The following KCNIP4 variants were observed in gnomAD, a reference collection of about 807,000 sequenced individuals.
The protein encoded by KCNIP4 is potassium voltage-gated channel interacting protein 4.
Under a neutral mutation model 34.0 loss-of-function variants are expected in KCNIP4, and 12 were observed. The observed-to-expected ratio is 0.35, with a 90% confidence interval of 0.23 to 0.57. KCNIP4 has a LOEUF of 0.57. Among genes scored for constraint, KCNIP4 ranks in the 20% least tolerant of loss-of-function variants. The pLI is 0.83. For missense variants in KCNIP4, 238 were observed against 311.7 expected, an observed-to-expected ratio of 0.76 and a Z score of 1.78; for synonymous variants, 124 against 102.2, an observed-to-expected ratio of 1.21 and a Z score of -1.29.
intron 1 of KCNIP4, among the ~76,000 whole-genome samples, chr4:20,942,491 C>T (rs1353122030): frequency 6.6e-6 from 1 of 152,192 alleles, no homozygotes; most frequent in South Asian, 2.1e-4. Context: ...ATAATAAGCA[C>T]CAGGTGGTTT....
In KCNIP4 at chr4:20,828,463, G is replaced by C. The variant is rs139943967; in HGVS notation, c.288+22080C>G. Reference sequence around the variant, plus strand: ...AAACAAAAGCTACGGGAAGTAAAATGTTGTCAGTTTAATTCTATGAGAAGG... The same window carrying C: ...AAACAAAAGCTACGGGAAGTAAAATCTTGTCAGTTTAATTCTATGAGAAGG... On this transcript the variant is annotated intron_variant, in intron 3 of 8. Transcript: ENST00000382152. 4.3e-3 allele frequency among the ~76,000 whole-genome samples: 655 copies of C among 152,186 alleles called. 5 individuals carry two copies. Among genetic ancestry groups the C allele is most frequent in the Middle Eastern group, 0.014 (4 of 294 alleles).
intron 1 of KCNIP4, among the ~76,000 whole-genome samples, chr4:21,551,812 A>C (rs372400773): frequency 2.0e-5 from 3 of 152,108 alleles, no homozygotes; most frequent in Non-Finnish European, 4.4e-5. Flanking sequence ...AATGCATATT[A>C]GAATAGAGGT....
chr4:21,576,360 C>T (rs1740741293), intron 1 of KCNIP4, among the ~76,000 whole-genome samples: 2 of 152,116 alleles, frequency 1.3e-5, no homozygotes, highest in Non-Finnish European at 2.9e-5. Context: ...ATAACATAAA[C>T]CAAGGTCACG....
chr4:21,060,805 A>C (rs1743849650), intron 1 of KCNIP4, among the ~76,000 whole-genome samples: 1 of 152,190 alleles, frequency 6.6e-6, no homozygotes, highest in Non-Finnish European at 1.5e-5. Flanking sequence ...AAAACTTCTC[A>C]CGAATCAGAA....
intron 1 of KCNIP4, among the ~76,000 whole-genome samples, chr4:21,112,070 TATC>T (rs1329117882): frequency 6.7e-5 from 9 of 134,152 alleles, no homozygotes; most frequent in Non-Finnish European, 1.0e-4. Flanking sequence ...TCTATCTATC[TATC>T]ATCTATATCA....
intron 1 of KCNIP4, among the ~76,000 whole-genome samples, chr4:21,356,487 T>C (rs1469231403): frequency 1.3e-5 from 2 of 152,116 alleles, no homozygotes; most frequent in Admixed American, 6.6e-5. Flanking sequence ...ACAAAATCAG[T>C]GCGCAAAAAT....
intron 1 of KCNIP4, among the ~76,000 whole-genome samples, chr4:21,937,859 C>T (rs1729950638): frequency 6.6e-6 from 1 of 152,096 alleles, no homozygotes; most frequent in Non-Finnish European, 1.5e-5. Context: ...TCTCTGCCTG[C>T]TGTTTTACTC....
intron 1 of KCNIP4, among the ~76,000 whole-genome samples, chr4:21,148,513 G>C (rs909396352): frequency 3.3e-5 from 5 of 152,062 alleles, no homozygotes; most frequent in African/African-American, 1.2e-4. Flanking sequence ...ACACCGTTCT[G>C]ACATATAATA....
At chr4:20,739,173 C>A (rs940044126) in intron 5 of KCNIP4, among the ~76,000 whole-genome samples, 1 of 152,218 alleles carries the variant, frequency 6.6e-6, no homozygotes, top group African/African-American at 2.4e-5. Context: ...CATAGCTGAA[C>A]AAAAGGCAGC....
chr4:21,063,992 C>T (rs972868449), intron 1 of KCNIP4, among the ~76,000 whole-genome samples: 2 of 152,096 alleles, frequency 1.3e-5, no homozygotes, highest in Non-Finnish European at 2.9e-5. Context: ...ATACTAACAT[C>T]TCAATGGTTG....
At chr4:20,915,247 C>G (rs1046724591) in intron 1 of KCNIP4, among the ~76,000 whole-genome samples, 1 of 152,204 alleles carries the variant, frequency 6.6e-6, no homozygotes, top group Admixed American at 6.5e-5. Context: ...TATGCCAGCC[C>G]TGGCAACTGA....
At chr4:21,300,551 A>T (rs1452950139) in intron 1 of KCNIP4, among the ~76,000 whole-genome samples, 1 of 149,006 alleles carries the variant, frequency 6.7e-6, no homozygotes, top group African/African-American at 2.5e-5. Context: ...GTTAATAAAT[A>T]ATAATATGAT....
chr4:21,747,960 C>T (rs926181482), intron 1 of KCNIP4, among the ~76,000 whole-genome samples: 5 of 152,022 alleles, frequency 3.3e-5, no homozygotes, highest in African/African-American at 1.2e-4. Flanking sequence ...AGCAAGGCTG[C>T]CACAAGCCAA....
rs16870353 is a variant in KCNIP4, at chr4:21,093,723, T to C, written c.62-211014A>G. On this transcript the variant is annotated intron_variant, in intron 1 of 8. Transcript: ENST00000382152. ...AAAAAATAACCATTAGCTATAAAAA[T>C]TAGAAAATAGAGACCAGTGAAATAT... Among the ~76,000 whole-genome samples the C allele has an allele frequency of 5.5e-3, 840 of 152,082 alleles. 5 individuals are homozygous for C. The highest frequency in any genetic ancestry group is 0.018 in the African/African-American group (739 of 41,500).
intron 1 of KCNIP4, among the ~76,000 whole-genome samples, chr4:21,916,697 AT>A (rs1728648490): frequency 6.6e-6 from 1 of 152,222 alleles, no homozygotes; most frequent in Non-Finnish European, 1.5e-5. Context: ...AGTGAATGCT[AT>A]TCTGGGAAAA....
rs112036296 is a variant in KCNIP4 at position 21,225,316 on chromosome 4, G to A, written c.62-342607C>T. On this transcript the variant is annotated intron_variant, in intron 1 of 8. Coordinates refer to ENST00000382152, the MANE Select transcript of KCNIP4 (RefSeq NM_025221.6). ...AGTATAATACAAACATAAAAAGGAA[G>A]ATCCTTTCAACCTAAATTTTGTTAA... is the stretch of plus-strand genomic sequence containing the variant. Among the ~76,000 whole-genome samples, 45 of 152,142 alleles carry A rather than the reference G, an allele frequency of 3.0e-4. 1 individual carries two copies. Among genetic ancestry groups the A allele is most frequent in the African/African-American group, 1.1e-3 (45 of 41,474 alleles).
In KCNIP4 at chr4:21,312,118, G is replaced by A. The variant is rs74675367; in HGVS notation, c.62-429409C>T. 2.1e-3 allele frequency among the ~76,000 whole-genome samples: 327 copies of A among 152,220 alleles called. 2 individuals carry two copies. Among genetic ancestry groups the A allele is most frequent in the African/African-American group, 6.3e-3 (262 of 41,552 alleles). On this transcript the variant is annotated intron_variant, in intron 1 of 8. Coordinates refer to ENST00000382152, the MANE Select transcript of KCNIP4 (RefSeq NM_025221.6). ...AGTGGGTAAAGGTAGTTAAATGGAG[G>A]AACAATAGACAGGGACTCAAACAAC...
At chr4:21,065,767 A>ATATAT (rs1553933180) in intron 1 of KCNIP4, among the ~76,000 whole-genome samples, 67 of 96,226 alleles carry the variant, frequency 7.0e-4, no homozygotes, top group Non-Finnish European at 9.9e-4. Context: ...TATATATATA[A>ATATAT]CTCAATTTTA....
intron 1 of KCNIP4, among the ~76,000 whole-genome samples, chr4:21,466,313 A>G (rs1729932368): frequency 1.3e-5 from 2 of 152,210 alleles, no homozygotes; most frequent in Admixed American, 1.3e-4. Context: ...AAGACACTTC[A>G]GGGAACTTAT....
Sources: gnomAD v4.1 joint callset for allele counts (sites outside exome capture counted in the v4.1 genomes callset) on GRCh38, gnomAD v4.1.1 for gene constraint, MANE v1.5 for transcripts, NCBI Gene and HGNC (gene_info 2026-07-23, HGNC 2026-07-21) for gene names.